BCAS3: variants seen among roughly 807,000 people sequenced by gnomAD.
The protein encoded by BCAS3 is BCAS4/BCAS3 fusion.
BCAS3 carries 53 observed loss-of-function variants against 116.1 expected under a neutral mutation model. The observed-to-expected ratio is 0.46, with a 90% confidence interval of 0.37 to 0.57. The LOEUF is 0.57. Ranked by LOEUF, BCAS3 falls within the 20% of genes least tolerant of loss-of-function variation. The pLI is 0.00. For missense variants in BCAS3, 917 were observed against 1,165.4 expected (o/e 0.79, Z 3.10); for synonymous variants, 391 against 408.2 (o/e 0.96, Z 0.51).
Position 61,337,064 on chromosome 17 carries a change from G to A in BCAS3, c.2426-31263G>A, listed in dbSNP as rs1160747184. Among the ~76,000 whole-genome samples, 1 of 151,928 alleles carries A rather than the reference G, an allele frequency of 6.6e-6. No individual in the cohort carries two copies. Among genetic ancestry groups the A allele is most frequent in the Non-Finnish European group, 1.5e-5 (1 of 67,990 alleles). On this transcript the variant is annotated intron_variant, in intron 22 of 23. Transcript: ENST00000407086. The surrounding 1 kb of genome is among the most constrained non-coding windows in gnomAD (Gnocchi z 4.8). ...GGAGGTGGAGGTTGCAGTGAGCCAA[G>A]ATTGCCTCATTGCACTCCAGCCTGG...
At chr17:60,683,643 G>A (rs2033580681) in intron 2 of BCAS3, among the ~76,000 whole-genome samples, 1 of 148,214 alleles carries the variant, frequency 6.7e-6, no homozygotes, top group Non-Finnish European at 1.5e-5. Context: ...ACCAGCCTGG[G>A]CAACATGGTG....
rs1056350759 is a variant in BCAS3, at chr17:61,227,196, A to T, written c.2426-141131A>T. On this transcript the variant is annotated intron_variant, in intron 22 of 23. Coordinates refer to ENST00000407086, the MANE Select transcript of BCAS3 (RefSeq NM_017679.5). This position sits in a 1 kb window ranked among gnomAD's most constrained non-coding sequence, Gnocchi z 6.1. ...AGGAATTACCTGAATGAGTTCCCAC[A>T]GACTGTCCTAGAGGGGCCACAGACT... Among the ~76,000 whole-genome samples, 2 of 152,226 alleles carry T rather than the reference A, an allele frequency of 1.3e-5. No homozygotes were observed. Among genetic ancestry groups the T allele is most frequent in the African/African-American group, 4.8e-5 (2 of 41,462 alleles).
rs2058497293 is a variant in BCAS3 at position 61,362,404 on chromosome 17, T to C, written c.2426-5923T>C. Among the ~76,000 whole-genome samples, 1 of 152,140 alleles carries C rather than the reference T, an allele frequency of 6.6e-6. No individual in the cohort carries two copies. The highest frequency in any genetic ancestry group is 1.5e-5 in the Non-Finnish European group (1 of 68,016). On this transcript the variant is annotated intron_variant, in intron 22 of 23. Coordinates refer to ENST00000407086, the MANE Select transcript of BCAS3 (RefSeq NM_017679.5). The surrounding 1 kb of genome is among the most constrained non-coding windows in gnomAD (Gnocchi z 4.4). ...TCTGATCAGCAGGCTCTCAGCAAAA[T>C]CCAAACCTGGGCAGAACCTCATTAA...
At chr17:60,914,735 C>A (rs1202801469) in intron 12 of BCAS3, among the ~76,000 whole-genome samples, 1 of 152,134 alleles carries the variant, frequency 6.6e-6, no homozygotes, top group African/African-American at 2.4e-5. Context: ...AAACTGAAGA[C>A]CTTTATAATT....
rs148468828 is a variant in BCAS3, at chr17:61,219,997, T to C, written c.2425+135433T>C. 6.6e-6 allele frequency among the ~76,000 whole-genome samples: 1 copy of C among 152,256 alleles called. No homozygotes were observed. Among genetic ancestry groups the C allele is most frequent in the African/African-American group, 2.4e-5 (1 of 41,550 alleles). On this transcript the variant is annotated intron_variant, in intron 22 of 23. Transcript: ENST00000407086. This position sits in a 1 kb window ranked among gnomAD's most constrained non-coding sequence, Gnocchi z 5.2. ...TTCAGAGGAAAATTCTGGTGTGCCG[T>C]TAAAACTAAAGTTTTCGGCCGGGCG...
intron 22 of BCAS3, among the ~76,000 whole-genome samples, chr17:61,280,889 A>G (rs1447822206): frequency 6.6e-6 from 1 of 152,208 alleles, no homozygotes; most frequent in African/African-American, 2.4e-5. Context: ...GCTTTCTCCA[A>G]CAAGTCCCAA....
At chr17:61,025,162 T>C (rs929018547) in intron 16 of BCAS3, among the ~76,000 whole-genome samples, 9 of 152,122 alleles carry the variant, frequency 5.9e-5, no homozygotes, top group African/African-American at 1.7e-4. Context: ...TGAGAGATTG[T>C]AGTCTTCAAG....
chr17:60,957,027 T>G (rs1296336276), intron 14 of BCAS3, among the ~76,000 whole-genome samples: 1 of 152,198 alleles, frequency 6.6e-6, no homozygotes, highest in Non-Finnish European at 1.5e-5. Context: ...ACTTGGGATA[T>G]CCTTTGCATC....
chr17:61,083,577 G>A lies in BCAS3; in HGVS notation c.2328-890G>A, dbSNP rs187612511. On this transcript the variant is annotated intron_variant, in intron 21 of 23. Transcript: ENST00000407086. The surrounding 1 kb of genome is among the most constrained non-coding windows in gnomAD (Gnocchi z 4.9). ...GCTAGAAAGAGACACTCGGCATTTG[G>A]CATTTATATGTTTATTATTCTTTTT... Among the ~76,000 whole-genome samples, 10 of 151,358 alleles carry A rather than the reference G, an allele frequency of 6.6e-5. No homozygotes were observed. The East Asian group carries it at 9.7e-4, about 15-fold the overall frequency.
chr17:61,299,442 C>CAAAAAAAAAA (rs538072648), intron 22 of BCAS3, among the ~76,000 whole-genome samples: 13 of 57,140 alleles, frequency 2.3e-4, no homozygotes, highest in East Asian at 5.3e-4. Context: ...GACTCCATCT[C>CAAAAAAAAAA]AAAAAAAAAA....
rs1233766522 is a variant in BCAS3 at position 61,065,024 on chromosome 17, A to C, written c.2030-9896A>C. On this transcript the variant is annotated intron_variant, in intron 19 of 23. Coordinates refer to ENST00000407086, the MANE Select transcript of BCAS3 (RefSeq NM_017679.5). This position sits in a 1 kb window ranked among gnomAD's most constrained non-coding sequence, Gnocchi z 4.8. Reference sequence around the variant, plus strand: ...CACATTTATAAATCAGTGTGAATTTAATACTACCCATTTTCAAGTAGTTAT... The same window carrying C: ...CACATTTATAAATCAGTGTGAATTTCATACTACCCATTTTCAAGTAGTTAT... Among the ~76,000 whole-genome samples, 1 of 152,218 alleles carries C rather than the reference A, an allele frequency of 6.6e-6. No homozygotes were observed. The highest frequency in any genetic ancestry group is 1.5e-5 in the Non-Finnish European group (1 of 68,036).
chr17:61,097,364 G>C lies in BCAS3; in HGVS notation c.2425+12800G>C, dbSNP rs553314099. Among the ~76,000 whole-genome samples the C allele has an allele frequency of 6.6e-6, 1 of 152,192 alleles. No homozygotes were observed. Among genetic ancestry groups the C allele is most frequent in the South Asian group, 2.1e-4 (1 of 4,822 alleles). On this transcript the variant is annotated intron_variant, in intron 22 of 23. Coordinates refer to ENST00000407086, the MANE Select transcript of BCAS3 (RefSeq NM_017679.5). The surrounding 1 kb of genome is among the most constrained non-coding windows in gnomAD (Gnocchi z 4.0). ...TGGCTAATTTTTTGTATTTTTAATA[G>C]AGACGGGATTTCACCATGTTAGCCA...
chr17:60,747,397 C>A, intron 6 of BCAS3, 118 bp downstream of exon 6: 1 of 739,878 alleles, frequency 1.4e-6, no homozygotes, highest in Non-Finnish European at 2.2e-6. Context: ...GTCCATTCCC[C>A]TTCCCCACCT....
chr17:61,316,670 T>A lies in BCAS3; in HGVS notation c.2426-51657T>A, dbSNP rs1440207567. On this transcript the variant is annotated intron_variant, in intron 22 of 23. Transcript: ENST00000407086. This position sits in a 1 kb window ranked among gnomAD's most constrained non-coding sequence, Gnocchi z 5.8. ...GGGAGAGAGGGAAGGAGAAGGAGGATAAAATAAAAGGAAAAGAAGAGGTAT... is the reference window on the plus strand; with the variant it reads ...GGGAGAGAGGGAAGGAGAAGGAGGAAAAAATAAAAGGAAAAGAAGAGGTAT... Among the ~76,000 whole-genome samples, 1 of 152,020 alleles carries A rather than the reference T, an allele frequency of 6.6e-6. No individual in the cohort carries two copies. Among genetic ancestry groups the A allele is most frequent in the Non-Finnish European group, 1.5e-5 (1 of 68,006 alleles).
intron 22 of BCAS3, among the ~76,000 whole-genome samples, chr17:61,129,273 G>C (rs778576722): frequency 7.2e-5 from 11 of 152,298 alleles, no homozygotes; most frequent in Non-Finnish European, 1.6e-4. Flanking sequence ...CATAATTAAT[G>C]AATTTCTTTG....
At chr17:60,706,066 A>AC (rs1252490265) in intron 4 of BCAS3, among the ~76,000 whole-genome samples, 1 of 151,670 alleles carries the variant, frequency 6.6e-6, no homozygotes, top group Non-Finnish European at 1.5e-5. Flanking sequence ...AAGGATGAAG[A>AC]CTTTTTTTTT....
intron 22 of BCAS3, among the ~76,000 whole-genome samples, chr17:61,246,219 G>A (rs966447799): frequency 1.3e-5 from 2 of 152,018 alleles, no homozygotes; most frequent in African/African-American, 4.8e-5. Context: ...AGTGGCTCAC[G>A]CTTGTAATCC....
In BCAS3 at chr17:61,077,449, G is replaced by A. The variant is rs1013183555; in HGVS notation, c.2131-884G>A. Among the ~76,000 whole-genome samples, 1 of 152,114 alleles carries A rather than the reference G, an allele frequency of 6.6e-6. No homozygotes were observed. Among genetic ancestry groups the A allele is most frequent in the East Asian group, 1.9e-4 (1 of 5,186 alleles). ...GGAGAATGTAGTGAACCCAGGAGGCGGAGCTTGCAGTGAGCGGAGATCACG... is the reference window on the plus strand; with the variant it reads ...GGAGAATGTAGTGAACCCAGGAGGCAGAGCTTGCAGTGAGCGGAGATCACG... On this transcript the variant is annotated intron_variant, in intron 20 of 23. Transcript: ENST00000407086. This position sits in a 1 kb window ranked among gnomAD's most constrained non-coding sequence, Gnocchi z 4.3.
intron 6 of BCAS3, among the ~76,000 whole-genome samples, chr17:60,750,655 A>G (rs1255202990): frequency 6.6e-6 from 1 of 152,144 alleles, no homozygotes; most frequent in Non-Finnish European, 1.5e-5. Flanking sequence ...TGTGAACTGA[A>G]TCCCTTCCTG....
Sources: gnomAD v4.1 joint callset for allele counts (sites outside exome capture counted in the v4.1 genomes callset) on GRCh38, gnomAD v4.1.1 for gene constraint, Gnocchi (gnomAD v3.1) non-coding constraint, MANE v1.5 for transcripts, NCBI Gene and HGNC (gene_info 2026-07-23, HGNC 2026-07-21) for gene names.